HMBOX1: variants seen among roughly 807,000 people sequenced by gnomAD.
HMBOX1 encodes the protein homeobox-containing protein 1.
A neutral mutation model predicts 54.5 loss-of-function variants in HMBOX1; 14 were observed. The ratio of observed to expected loss-of-function variants is 0.26; its 90% CI spans 0.17 to 0.40. The LOEUF is 0.40. Ranked by LOEUF, HMBOX1 falls within the 10% of genes least tolerant of loss-of-function variation. The pLI, the probability that HMBOX1 is intolerant of heterozygous loss-of-function variation, is 1.00. For synonymous variants in HMBOX1, 160 were observed against 181.0 expected, an observed-to-expected ratio of 0.88 and a Z score of 0.93; for missense variants, 332 against 514.4, an observed-to-expected ratio of 0.65 and a Z score of 3.43.
chr8:28,941,263 A>G (rs994600985), intron 1 of HMBOX1, among the ~76,000 whole-genome samples: 1 of 152,230 alleles, frequency 6.6e-6, no homozygotes, highest in Non-Finnish European at 1.5e-5. Context: ...ATGGAATAGG[A>G]AAACATCAGT....
chr8:29,003,397 A>G (rs922918278), intron 4 of HMBOX1, among the ~76,000 whole-genome samples: 2 of 151,322 alleles, frequency 1.3e-5, no homozygotes, highest in Admixed American at 1.3e-4. Context: ...ACAATGTACT[A>G]TATGAGAACA....
At chr8:29,030,179 G>GT (rs372951537) in intron 6 of HMBOX1, among the ~76,000 whole-genome samples, 53,039 of 136,854 alleles carry the variant, frequency 0.39, 10,169 homozygotes, top group African/African-American at 0.45. Context: ...TTAGGTTCCA[G>GT]TTTTTTTTTT....
chr8:28,951,137 T>C (rs1319275127), intron 1 of HMBOX1, among the ~76,000 whole-genome samples: 1 of 152,164 alleles, frequency 6.6e-6, no homozygotes, highest in Non-Finnish European at 1.5e-5. Flanking sequence ...CAGATAATAT[T>C]TTATTTATGT....
intron 1 of HMBOX1, among the ~76,000 whole-genome samples, chr8:28,927,494 C>A (rs1818733612): frequency 6.6e-6 from 1 of 151,708 alleles, no homozygotes; most frequent in Non-Finnish European, 1.5e-5. Context: ...CAAAAGCTAG[C>A]CTGAGTGCAG....
At chr8:28,984,623 A>G (rs931019654) in intron 4 of HMBOX1, among the ~76,000 whole-genome samples, 1 of 152,184 alleles carries the variant, frequency 6.6e-6, no homozygotes, top group African/African-American at 2.4e-5. Flanking sequence ...CCAAGGGTGG[A>G]TTTTTACCTC....
At chr8:28,926,982 G>A (rs1217563035) in intron 1 of HMBOX1, among the ~76,000 whole-genome samples, 1 of 152,192 alleles carries the variant, frequency 6.6e-6, no homozygotes, top group Non-Finnish European at 1.5e-5. Context: ...CCAGAGGCTG[G>A]AAAGAATAGT....
At chr8:29,014,972 G>A (rs969300365) in intron 5 of HMBOX1, among the ~76,000 whole-genome samples, 1 of 152,086 alleles carries the variant, frequency 6.6e-6, no homozygotes, top group Non-Finnish European at 1.5e-5. Flanking sequence ...GAGCCACCGC[G>A]CCCGGCCTTG....
At chr8:28,947,023 A>T (rs894906417) in intron 1 of HMBOX1, among the ~76,000 whole-genome samples, 2 of 152,342 alleles carry the variant, frequency 1.3e-5, no homozygotes, top group African/African-American at 2.4e-5. Flanking sequence ...AGTAGAATAC[A>T]TTATCTTGAG....
chr8:29,025,151 A>G (rs892703203), intron 6 of HMBOX1, among the ~76,000 whole-genome samples: 3 of 152,224 alleles, frequency 2.0e-5, no homozygotes, highest in African/African-American at 7.2e-5. Context: ...GAAAATGGAT[A>G]AAAAGTGATA....
chr8:28,953,438 A>G (rs375198228), intron 1 of HMBOX1, among the ~76,000 whole-genome samples: 48 of 152,290 alleles, frequency 3.2e-4, no homozygotes, highest in Middle Eastern at 3.4e-3. Context: ...TAAAAAACAT[A>G]GTTTCCTGCC....
intron 9 of HMBOX1, 89 bp downstream of exon 9, chr8:29,049,137 G>A: frequency 6.8e-7 from 1 of 1,467,188 alleles, no homozygotes; most frequent in Non-Finnish European, 9.5e-7. Context: ...GGCTGATGGG[G>A]TGGGGGAGGG....
At chr8:28,938,286 A>C (rs1197212858) in intron 1 of HMBOX1, among the ~76,000 whole-genome samples, 2 of 152,206 alleles carry the variant, frequency 1.3e-5, no homozygotes, top group Non-Finnish European at 2.9e-5. Flanking sequence ...ATTTGTTGTG[A>C]GTATAAAATT....
At chr8:29,048,919 C>A in intron 8 of HMBOX1, 35 bp from the exon 9 acceptor site, 1 of 1,407,144 alleles carries the variant, frequency 7.1e-7, no homozygotes, top group South Asian at 1.2e-5. Flanking sequence ...GATAAGGTAA[C>A]AGATAATTTA....
chr8:28,905,678 G>T (rs1464889593), intron 1 of HMBOX1, among the ~76,000 whole-genome samples: 1 of 152,098 alleles, frequency 6.6e-6, no homozygotes. Flanking sequence ...TCATATTTTT[G>T]TGTATGCTTC....
chr8:29,043,982 G>C (rs1409531241), intron 6 of HMBOX1, among the ~76,000 whole-genome samples: 1 of 152,150 alleles, frequency 6.6e-6, no homozygotes, highest in Non-Finnish European at 1.5e-5. Context: ...GGAGGATATA[G>C]CTCTATGACT....
intron 4 of HMBOX1, among the ~76,000 whole-genome samples, chr8:28,981,754 A>G (rs1280468734): frequency 1.3e-5 from 2 of 152,198 alleles, no homozygotes; most frequent in Non-Finnish European, 2.9e-5. Flanking sequence ...ACATATGTTT[A>G]AAAAGCATTT....
At chr8:28,898,227 T>C (rs1352556340) in intron 1 of HMBOX1, among the ~76,000 whole-genome samples, 1 of 75,128 alleles carries the variant, frequency 1.3e-5, no homozygotes, top group Non-Finnish European at 2.7e-5. Context: ...GTCAATACTG[T>C]GATAATTTCT....
At chr8:28,928,158 C>T (rs1313399203) in intron 1 of HMBOX1, among the ~76,000 whole-genome samples, 1 of 151,772 alleles carries the variant, frequency 6.6e-6, no homozygotes, top group Non-Finnish European at 1.5e-5. Flanking sequence ...ACTACTACTA[C>T]TACCATAAAC....
intron 4 of HMBOX1, among the ~76,000 whole-genome samples, chr8:28,982,658 C>T (rs1829551162): frequency 6.6e-6 from 1 of 150,654 alleles, no homozygotes; most frequent in Admixed American, 6.6e-5. Flanking sequence ...TGGAGTCTTG[C>T]TCTGTCGCCC....
Sources: allele counts gnomAD v4.1 joint callset (sites outside exome capture counted in the v4.1 genomes callset), GRCh38; gene constraint gnomAD v4.1.1; transcripts MANE v1.5; gene names NCBI Gene and HGNC (gene_info 2026-07-23, HGNC 2026-07-21).